SRBD1: variants seen among roughly 807,000 people sequenced by gnomAD.
SRBD1 encodes S1 RNA binding domain 1.
Under a neutral mutation model 115.3 loss-of-function variants are expected in SRBD1, and 88 were observed. That is an observed-to-expected ratio of 0.76 (90% CI 0.64 to 0.91). The LOEUF (loss-of-function observed/expected upper bound fraction) is 0.91, where lower values mean the gene tolerates loss of function less well. Ranked by LOEUF, SRBD1 falls within the 40% of genes least tolerant of loss-of-function variation. The pLI is 0.00. For synonymous variants in SRBD1, 509 were observed against 407.7 expected (o/e 1.25, Z -2.99); for missense variants, 1,385 against 1,177.4 (o/e 1.18, Z -2.58).
rs76443654 is a variant in SRBD1, at chr2:45,527,883, T to C, written c.1874+18849A>G. 3.0e-3 allele frequency among the ~76,000 whole-genome samples: 456 copies of C among 151,934 alleles called. 3 individuals carry two copies. Among genetic ancestry groups the C allele is most frequent in the African/African-American group, 0.011 (442 of 41,520 alleles). ...ACTAAATTCCAACTTACCTTGTTTA[T>C]AGGAATCATTGCTATCTGAGAATAC... On this transcript the variant is annotated intron_variant, in intron 14 of 20. Transcript: ENST00000263736.
intron 16 of SRBD1, among the ~76,000 whole-genome samples, chr2:45,464,134 G>C (rs17039179): frequency 0.013 from 2,034 of 151,046 alleles, 46 homozygotes; most frequent in African/African-American, 0.047. Context: ...TAAAGAAATG[G>C]AGATGTATGC....
chr2:45,510,972 C>A (rs1481534372), intron 14 of SRBD1, among the ~76,000 whole-genome samples: 1 of 152,192 alleles, frequency 6.6e-6, no homozygotes, highest in Admixed American at 6.5e-5. Context: ...TAGTGAATGA[C>A]TGCCTAGGAT....
At chr2:45,528,643 T>C (rs745541775) in intron 14 of SRBD1, among the ~76,000 whole-genome samples, 7 of 151,770 alleles carry the variant, frequency 4.6e-5, no homozygotes, top group South Asian at 4.2e-4. Context: ...CTATGTAGAC[T>C]TAGAACCCAC....
intron 19 of SRBD1, among the ~76,000 whole-genome samples, chr2:45,396,968 TATA>T (rs1193149762): frequency 6.6e-6 from 1 of 152,166 alleles, no homozygotes; most frequent in Admixed American, 6.5e-5. Flanking sequence ...AGAACCATGC[TATA>T]AGGGCAAAGT....
chr2:45,572,595 A>C (rs1673053346), intron 9 of SRBD1, among the ~76,000 whole-genome samples: 1 of 152,124 alleles, frequency 6.6e-6, no homozygotes. Context: ...GGCACTAGAT[A>C]GTAACTTGAA....
In SRBD1 at chr2:45,389,296, C is replaced by A. The variant is rs773987567; in HGVS notation, c.*14G>T. ...ATGAGAAAATAAAATCAGCGTCTGG[C>A]CTTCGTGGGATACTCATAACACCCG... On this transcript the variant is annotated 3_prime_UTR_variant, in exon 21 of 21. Transcript: ENST00000263736. 5.0e-6 allele frequency: 8 copies of A among 1,606,518 alleles called. No homozygotes were observed. In the South Asian group the frequency reaches 7.7e-5, roughly 16 times the overall value.
intron 14 of SRBD1, among the ~76,000 whole-genome samples, chr2:45,497,468 G>A (rs1245134988): frequency 2.0e-5 from 3 of 152,098 alleles, no homozygotes; most frequent in Non-Finnish European, 4.4e-5. Context: ...TTCTCAAACT[G>A]GAGCCTACAT....
chr2:45,441,503 G>A (rs547304613), intron 16 of SRBD1, among the ~76,000 whole-genome samples: 1 of 152,138 alleles, frequency 6.6e-6, no homozygotes, highest in Admixed American at 6.5e-5. Flanking sequence ...ATTTCCTTAA[G>A]TACTGGTTTA....
At chr2:45,511,897 C>T (rs1572718585) in intron 14 of SRBD1, among the ~76,000 whole-genome samples, 1 of 152,172 alleles carries the variant, frequency 6.6e-6, no homozygotes, top group East Asian at 1.9e-4. Context: ...GAATTATTTT[C>T]AACAGCCACC....
At chr2:45,458,831 T>C (rs1210958877) in intron 16 of SRBD1, among the ~76,000 whole-genome samples, 2 of 152,166 alleles carry the variant, frequency 1.3e-5, no homozygotes, top group Non-Finnish European at 2.9e-5. Context: ...CTCACATTCA[T>C]ATTTCAGTAG....
At chr2:45,533,043 T>G (rs3770285) in intron 14 of SRBD1, among the ~76,000 whole-genome samples, 60,885 of 151,838 alleles carry the variant, frequency 0.4, 13,247 homozygotes, top group Non-Finnish European at 0.49. Context: ...AATAAGAAAC[T>G]GAATACATTT....
chr2:45,526,936 C>T (rs1025705436), intron 14 of SRBD1, among the ~76,000 whole-genome samples: 8 of 151,762 alleles, frequency 5.3e-5, no homozygotes, highest in African/African-American at 1.9e-4. Flanking sequence ...AAGGGACAGC[C>T]AGGGACTTCA....
At chr2:45,478,583 G>A (rs1669872542) in intron 15 of SRBD1, among the ~76,000 whole-genome samples, 1 of 152,172 alleles carries the variant, frequency 6.6e-6, no homozygotes, top group Admixed American at 6.6e-5. Context: ...AGGTTAGTTA[G>A]TGCAAGCATT....
intron 14 of SRBD1, among the ~76,000 whole-genome samples, chr2:45,500,248 G>GTGTT (rs1439778742): frequency 1.3e-5 from 2 of 150,184 alleles, no homozygotes; most frequent in Non-Finnish European, 3.0e-5. Flanking sequence ...GTGTGTGTGT[G>GTGTT]TGTTTGGTTA....
chr2:45,438,170 C>T (rs1668558130), intron 16 of SRBD1, among the ~76,000 whole-genome samples: 4 of 151,968 alleles, frequency 2.6e-5, no homozygotes, highest in Admixed American at 2.6e-4. Context: ...CCTAAAACTG[C>T]TTTAAAAATA....
intron 14 of SRBD1, among the ~76,000 whole-genome samples, chr2:45,533,339 C>G (rs1360971898): frequency 6.6e-6 from 1 of 151,960 alleles, no homozygotes; most frequent in East Asian, 1.9e-4. Context: ...TGCACTGGAC[C>G]CTATCTACAG....
intron 19 of SRBD1, among the ~76,000 whole-genome samples, chr2:45,406,285 C>T (rs952569345): frequency 6.6e-6 from 1 of 151,946 alleles, no homozygotes. Context: ...CAGAGACAAT[C>T]TGAAGACAGG....
In SRBD1 at chr2:45,442,167, G is replaced by C. The variant is rs146793832; in HGVS notation, c.2050-22273C>G. ...AAGACACACTAGGAAGTCCTGACAT[G>C]TCAGCTCCCAGGTCAAGCCTTATGA... On this transcript the variant is annotated intron_variant, in intron 16 of 20. Transcript: ENST00000263736. Among the ~76,000 whole-genome samples, 745 of 152,288 alleles carry C rather than the reference G, an allele frequency of 4.9e-3. 5 individuals are homozygous for C. The highest frequency in any genetic ancestry group is 0.017 in the African/African-American group (700 of 41,558).
intron 1 of SRBD1, among the ~76,000 whole-genome samples, chr2:45,609,726 G>T (rs753581453): frequency 6.6e-6 from 1 of 152,048 alleles, no homozygotes; most frequent in African/African-American, 2.4e-5. Context: ...GCATCCCTTA[G>T]ATCTTAACAT....
Sources: gnomAD v4.1 joint callset for allele counts (sites outside exome capture counted in the v4.1 genomes callset) on GRCh38, gnomAD v4.1.1 for gene constraint, MANE v1.5 for transcripts, NCBI Gene and HGNC (gene_info 2026-07-23, HGNC 2026-07-21) for gene names.